The following AXL variants were observed in gnomAD, a reference collection of about 807,000 sequenced individuals.
AXL encodes the protein tyrosine-protein kinase receptor UFO.
AXL carries 52 observed loss-of-function variants against 104.5 expected under a neutral mutation model. That is an observed-to-expected ratio of 0.50 (90% CI 0.40 to 0.63). AXL has a LOEUF of 0.63. Among genes scored for constraint, AXL ranks in the 20% least tolerant of loss-of-function variants. The probability of loss-of-function intolerance (pLI) is 0.00; values close to 1 mark genes in which losing one functional copy is unlikely to be tolerated. For synonymous variants in AXL, 455 were observed against 473.7 expected (o/e 0.96, Z 0.51); for missense variants, 1,024 against 1,188.5 (o/e 0.86, Z 2.04).
rs140101050 is a variant in AXL, at chr19:41,256,578, A to T, written c.2163A>T (p.Leu721=). The T allele has an allele frequency of 1.3e-4, 205 of 1,614,064 alleles. No homozygotes were observed. The African/African-American group carries it at 2.3e-3, about 18-fold the overall frequency. ...MPVKWIAIES[L]ADRVYTSKSD... ...TCAAGTGGATTGCCATTGAGAGTCT[A>T]GCTGACCGTGTCTACACCAGCAAGA... The change falls in exon 18 of 20, where the codon CTA becomes CTT. Residue 721 remains leucine (L), a synonymous_variant. Transcript: ENST00000301178.
At chr19:41,236,215 C>T (rs1454572635) in intron 6 of AXL, among the ~76,000 whole-genome samples, 1 of 151,742 alleles carries the variant, frequency 6.6e-6, no homozygotes, top group African/African-American at 2.4e-5. Context: ...TGACTGTAGC[C>T]CCAGCTACTC....
At chr19:41,254,376 C>CA (rs34633761) in intron 17 of AXL, among the ~76,000 whole-genome samples, 970 of 80,850 alleles carry the variant, frequency 0.012, 15 homozygotes, top group African/African-American at 0.035. Context: ...GACTCTGTCT[C>CA]AAAAAAAAAA....
At chr19:41,257,406 A>ATAAGT (rs2034470624) in intron 18 of AXL, 87 bp from the exon 19 acceptor site, 1 of 1,551,796 alleles carries the variant, frequency 6.4e-7, no homozygotes, top group Non-Finnish European at 8.9e-7. Context: ...ACATGTGTAC[A>ATAAGT]TAAGTGTGGG....
intron 10 of AXL, 101 bp downstream of exon 10, chr19:41,239,821 T>C: frequency 6.7e-7 from 1 of 1,501,770 alleles, no homozygotes; most frequent in Non-Finnish European, 9.2e-7. Context: ...CATGTTTCTC[T>C]AACTCATCAC....
intron 6 of AXL, among the ~76,000 whole-genome samples, chr19:41,232,044 C>T (rs2033999521): frequency 6.6e-6 from 1 of 152,140 alleles, no homozygotes; most frequent in African/African-American, 2.4e-5. Flanking sequence ...CCTGAGACAG[C>T]AGAGTCTGGA....
rs774474962 is a variant in AXL, at chr19:41,239,285, T to C, written c.1256T>C (p.Leu419Pro). The C allele has an allele frequency of 5.6e-6, 9 of 1,597,208 alleles. 1 individual carries two copies. The highest frequency in any genetic ancestry group is 3.4e-4 in the Middle Eastern group (2 of 5,834). Residue 419 changes from leucine to proline, a missense_variant, in exon 9 of 20, where the codon CTC becomes CCC. By Grantham distance (98) the Leu-to-Pro change is moderately conservative. This residue lies in a region of AXL where 523 missense variants were observed against 636.0 expected (regional missense o/e 0.82). Transcript: ENST00000301178. ...GCTGCTGGGGATGGACCCTGGAGCC[T>C]CCCAGTACCCCTGGAGGCCTGGCGC... is the stretch of plus-strand genomic sequence containing the variant. The part of the protein sequence containing the change: ...YTAAGDGPWS[L>P]PVPLEAWRPG...
intron 4 of AXL, among the ~76,000 whole-genome samples, chr19:41,225,849 G>A (rs557889984): frequency 1.8e-4 from 28 of 152,216 alleles, no homozygotes; most frequent in African/African-American, 6.7e-4. Context: ...GTGTGTGGGG[G>A]GGTTTGCTGT....
chr19:41,249,529 G>A (rs2034327089), intron 14 of AXL, among the ~76,000 whole-genome samples: 1 of 152,166 alleles, frequency 6.6e-6, no homozygotes, highest in African/African-American at 2.4e-5. Context: ...GCCAAGGCGG[G>A]TGGATCACAT....
At chr19:41,241,600 G>GAAA (rs1213119539) in intron 10 of AXL, among the ~76,000 whole-genome samples, 1 of 145,094 alleles carries the variant, frequency 6.9e-6, no homozygotes. Context: ...AAAAAGAAAA[G>GAAA]AAAAAAAAAT....
At chr19:41,237,112 G>A (rs146948052) in intron 6 of AXL, among the ~76,000 whole-genome samples, 1 of 152,116 alleles carries the variant, frequency 6.6e-6, no homozygotes, top group African/African-American at 2.4e-5. Flanking sequence ...TCAAGACACA[G>A]ACCCTTCCAG....
chr19:41,243,193 T>C (rs2034213756), intron 11 of AXL, among the ~76,000 whole-genome samples, 178 bp downstream of exon 11: 1 of 151,990 alleles, frequency 6.6e-6, no homozygotes, highest in African/African-American at 2.4e-5. Flanking sequence ...CTGAAGCAGG[T>C]GGATCACTTG....
intron 17 of AXL, among the ~76,000 whole-genome samples, chr19:41,253,978 G>C (rs2034411977): frequency 6.6e-6 from 1 of 151,972 alleles, no homozygotes; most frequent in African/African-American, 2.4e-5. Flanking sequence ...AGGGGCTGAG[G>C]TGACCGATGG....
intron 2 of AXL, 51 bp from the exon 3 acceptor site, chr19:41,221,095 A>G: frequency 6.5e-7 from 1 of 1,535,658 alleles, no homozygotes; most frequent in East Asian, 2.3e-5. Flanking sequence ...ACCCCCTCCC[A>G]GTGTCCAGCT....
chr19:41,241,535 C>T (rs972644678), intron 10 of AXL, among the ~76,000 whole-genome samples: 4 of 123,778 alleles, frequency 3.2e-5, no homozygotes, highest in African/African-American at 6.5e-5. Flanking sequence ...CACAGCAAGA[C>T]TCTGTCTCAA....
chr19:41,235,081 G>A (rs1475803478), intron 6 of AXL, among the ~76,000 whole-genome samples: 1 of 152,162 alleles, frequency 6.6e-6, no homozygotes, highest in Non-Finnish European at 1.5e-5. Context: ...GGCCGGGCAC[G>A]GTGGCTCGTG....
At chr19:41,231,725 G>A (rs574833626) in intron 6 of AXL, among the ~76,000 whole-genome samples, 8 of 152,090 alleles carry the variant, frequency 5.3e-5, no homozygotes, top group African/African-American at 1.4e-4. Flanking sequence ...TCAGGAGTTC[G>A]AGACCAGCCT....
chr19:41,222,165 CCTCA>C (rs894135857), intron 4 of AXL, 109 bp downstream of exon 4: 189 of 1,197,614 alleles, frequency 1.6e-4, no homozygotes, highest in Non-Finnish European at 2.0e-4. Flanking sequence ...TCCTTCTGTC[CCTCA>C]CTGTCTGTCT....
chr19:41,241,230 C>T (rs918388477), intron 10 of AXL, among the ~76,000 whole-genome samples: 1 of 152,104 alleles, frequency 6.6e-6, no homozygotes, highest in African/African-American at 2.4e-5. Context: ...TTTATTTCAC[C>T]CTCATTCCTG....
chr19:41,220,552 G>A (rs762657239), intron 1 of AXL, 84 bp from the exon 2 acceptor site: 20 of 1,241,500 alleles, frequency 1.6e-5, no homozygotes, highest in Admixed American at 5.0e-5. Flanking sequence ...CCTGGCCGCC[G>A]GTGGGCAGGC....
Sources: allele counts gnomAD v4.1 joint callset (sites outside exome capture counted in the v4.1 genomes callset), GRCh38; gene constraint gnomAD v4.1.1; regional missense constraint gnomAD v4.1.1; transcripts MANE v1.5; gene names NCBI Gene and HGNC (gene_info 2026-07-23, HGNC 2026-07-21).